CSMD1: variants seen among roughly 807,000 people sequenced by gnomAD.
The protein encoded by CSMD1 is CUB and Sushi multiple domains 1.
Under a neutral mutation model 417.5 loss-of-function variants are expected in CSMD1, and 213 were observed. That is an observed-to-expected ratio of 0.51 (90% CI 0.46 to 0.57). The LOEUF is 0.57. Ranked by LOEUF, CSMD1 falls within the 20% of genes least tolerant of loss-of-function variation. CSMD1 has a pLI of 0.00. For synonymous variants in CSMD1, 2,862 were observed against 1,736.8 expected (o/e 1.65, Z -16.11); for missense variants, 6,923 against 4,529.7 (o/e 1.53, Z -15.17).
chr8:3,843,491 A>T (rs1314064134), intron 5 of CSMD1, among the ~76,000 whole-genome samples: 1 of 152,232 alleles, frequency 6.6e-6, no homozygotes, highest in African/African-American at 2.4e-5. Context: ...CTTTGTGTAC[A>T]TGAAACATGA....
intron 10 of CSMD1, among the ~76,000 whole-genome samples, chr8:3,526,879 G>C (rs556273873): frequency 6.6e-6 from 1 of 152,150 alleles, no homozygotes; most frequent in Non-Finnish European, 1.5e-5. Context: ...GAGAGGTAAA[G>C]TGCTAGTAAT....
chr8:4,119,999 C>T (rs1294975306), intron 3 of CSMD1, among the ~76,000 whole-genome samples: 2 of 152,030 alleles, frequency 1.3e-5, no homozygotes, highest in African/African-American at 4.8e-5. Flanking sequence ...TTTGATAGCA[C>T]AATAGGGTGA....
chr8:3,438,548 G>C (rs916327957), intron 12 of CSMD1, among the ~76,000 whole-genome samples: 1 of 152,190 alleles, frequency 6.6e-6, no homozygotes, highest in African/African-American at 2.4e-5. Flanking sequence ...ACTCTCTGGA[G>C]AGTCATCAAG....
intron 49 of CSMD1, among the ~76,000 whole-genome samples, chr8:3,054,648 T>A (rs371938605): frequency 7.9e-4 from 121 of 152,260 alleles, no homozygotes; most frequent in African/African-American, 2.7e-3. Context: ...TGCGTGTGTG[T>A]GTGTGCACAT....
chr8:4,257,468 T>C (rs1165775962), intron 3 of CSMD1, among the ~76,000 whole-genome samples: 1 of 152,204 alleles, frequency 6.6e-6, no homozygotes, highest in Non-Finnish European at 1.5e-5. Flanking sequence ...TTAATAGTTT[T>C]AAGAATGCAT....
In CSMD1 at chr8:4,253,891, C is replaced by A. The variant is rs114921149; in HGVS notation, c.415+166062G>T. ...CTTATCTACAAAGAGACACTACGTTCGTTATTTCCTTCCATCTTTTTTTTT... is the reference window on the plus strand; with the variant it reads ...CTTATCTACAAAGAGACACTACGTTAGTTATTTCCTTCCATCTTTTTTTTT... On this transcript the variant is annotated intron_variant, in intron 3 of 69. Coordinates refer to ENST00000635120, the MANE Select transcript of CSMD1 (RefSeq NM_033225.6). 2.9e-5 allele frequency among the ~76,000 whole-genome samples: 4 copies of A among 138,056 alleles called. No homozygotes were observed. The South Asian group carries it at 7.2e-4, about 25-fold the overall frequency. The allele number at this position is 138,056 out of a possible 152,430, so 90.6% of individuals were successfully genotyped here.
intron 3 of CSMD1, among the ~76,000 whole-genome samples, chr8:4,143,192 G>A (rs1585409371): frequency 6.6e-6 from 1 of 151,138 alleles, no homozygotes; most frequent in Admixed American, 6.6e-5. Flanking sequence ...TAAGTGCTGA[G>A]AATGTTTCCC....
chr8:4,305,010 T>G (rs1055838203), intron 3 of CSMD1, among the ~76,000 whole-genome samples: 2 of 152,182 alleles, frequency 1.3e-5, no homozygotes, highest in Admixed American at 1.3e-4. Flanking sequence ...CAGGACCCAC[T>G]ACAAACACAC....
chr8:4,840,891 G>C lies in CSMD1; in HGVS notation c.85+153441C>G, dbSNP rs146947575. Among the ~76,000 whole-genome samples the C allele has an allele frequency of 1.4e-4, 21 of 152,234 alleles. No individual in the cohort carries two copies. In the South Asian group the frequency reaches 1.7e-3, roughly 12 times the overall value. The stretch of plus-strand genomic sequence containing the variant: ...TTGTTATTAAGTGCCTAATATTTGC[G>C]TGTCTCAATCAACACCACTACTGTA... On this transcript the variant is annotated intron_variant, in intron 1 of 69. Transcript: ENST00000635120.
At chr8:3,256,963 A>G (rs984379620) in intron 26 of CSMD1, among the ~76,000 whole-genome samples, 3 of 152,258 alleles carry the variant, frequency 2.0e-5, no homozygotes, top group African/African-American at 7.2e-5. Context: ...TAAATTGAGA[A>G]GAGAAAATAA....
At chr8:4,443,165 T>G (rs1403937396) in intron 2 of CSMD1, among the ~76,000 whole-genome samples, 1 of 152,204 alleles carries the variant, frequency 6.6e-6, no homozygotes, top group African/African-American at 2.4e-5. Flanking sequence ...TTTTAAATGG[T>G]AGAATTCTTA....
chr8:3,917,771 G>T (rs1305423649), intron 5 of CSMD1, among the ~76,000 whole-genome samples: 2 of 152,058 alleles, frequency 1.3e-5, no homozygotes, highest in East Asian at 3.9e-4. Context: ...ACCTGCCAAA[G>T]ATTCCCCCCA....
At chr8:4,915,583 G>T (rs758504924) in intron 1 of CSMD1, among the ~76,000 whole-genome samples, 1 of 152,174 alleles carries the variant, frequency 6.6e-6, no homozygotes, top group African/African-American at 2.4e-5. Context: ...GCAGGAGCAG[G>T]GACAGCTGGG....
At chr8:3,818,044 G>A (rs1425634256) in intron 5 of CSMD1, among the ~76,000 whole-genome samples, 8 of 152,108 alleles carry the variant, frequency 5.3e-5, no homozygotes, top group Admixed American at 1.3e-4. Context: ...CACGACTCTC[G>A]TTCTATTCGG....
intron 3 of CSMD1, among the ~76,000 whole-genome samples, chr8:4,412,769 A>G (rs1796719600): frequency 1.3e-5 from 2 of 152,190 alleles, no homozygotes; most frequent in Non-Finnish European, 2.9e-5. Context: ...TTACATTGAT[A>G]CCTATACTGA....
intron 5 of CSMD1, among the ~76,000 whole-genome samples, chr8:3,964,989 G>C (rs1210993644): frequency 6.6e-6 from 1 of 152,094 alleles, no homozygotes; most frequent in Admixed American, 6.6e-5. Context: ...AAACTCTCTA[G>C]GCCACGGTTT....
intron 1 of CSMD1, among the ~76,000 whole-genome samples, chr8:4,804,382 T>A (rs115000034): frequency 6.6e-6 from 1 of 152,128 alleles, no homozygotes; most frequent in Non-Finnish European, 1.5e-5. Context: ...GATGCAGGTA[T>A]TTTAAGACGC....
intron 33 of CSMD1, among the ~76,000 whole-genome samples, chr8:3,195,919 G>A (rs1796679170): frequency 6.6e-6 from 1 of 152,186 alleles, no homozygotes; most frequent in South Asian, 2.1e-4. Flanking sequence ...GTTTGATCCA[G>A]AGTGACTCCA....
intron 2 of CSMD1, among the ~76,000 whole-genome samples, chr8:4,514,058 C>G (rs368140858): frequency 1.5e-4 from 23 of 152,238 alleles, no homozygotes; most frequent in East Asian, 1.4e-3. Flanking sequence ...GTAGCTTAAA[C>G]AACAAAATTT....
Sources: gnomAD v4.1 joint callset for allele counts (sites outside exome capture counted in the v4.1 genomes callset) on GRCh38, gnomAD v4.1.1 for gene constraint, MANE v1.5 for transcripts, NCBI Gene and HGNC (gene_info 2026-07-23, HGNC 2026-07-21) for gene names.